Variants in PLA2G15 observed in about 807,000 individuals in gnomAD.
PLA2G15 encodes lysosomal phospholipase A and acyltransferase.
Under a neutral mutation model 40.9 loss-of-function variants are expected in PLA2G15, and 20 were observed. The observed-to-expected ratio is 0.49, with a 90% confidence interval of 0.34 to 0.71. The LOEUF (loss-of-function observed/expected upper bound fraction) is 0.71. Among genes scored for constraint, PLA2G15 ranks in the 30% least tolerant of loss-of-function variants. PLA2G15 has a pLI of 0.01. For missense variants in PLA2G15, 471 were observed against 541.9 expected (o/e 0.87, Z 1.30); for synonymous variants, 223 against 228.2 (o/e 0.98, Z 0.21).
chr16:68,253,714 G>C (rs2042375482), intron 2 of PLA2G15, among the ~76,000 whole-genome samples: 1 of 135,966 alleles, frequency 7.4e-6, no homozygotes, highest in African/African-American at 2.9e-5. Flanking sequence ...TTTTGAGACA[G>C]GGTCTTACTT....
At chr16:68,251,521 A>G (rs1299805168) in intron 2 of PLA2G15, among the ~76,000 whole-genome samples, 1 of 152,014 alleles carries the variant, frequency 6.6e-6, no homozygotes, top group African/African-American at 2.4e-5. Flanking sequence ...CTCTACTAAA[A>G]ATGCAAAAAT....
At chr16:68,258,167 T>C (rs1205657022) in intron 5 of PLA2G15, among the ~76,000 whole-genome samples, 1 of 152,194 alleles carries the variant, frequency 6.6e-6, no homozygotes, top group Non-Finnish European at 1.5e-5. Context: ...CATTCCTGTG[T>C]ATAGGGACTC....
chr16:68,257,533 T>C (rs1486873439), intron 5 of PLA2G15, among the ~76,000 whole-genome samples: 1 of 152,212 alleles, frequency 6.6e-6, no homozygotes, highest in African/African-American at 2.4e-5. Context: ...AGCTTCTTCC[T>C]CTAGAAGGGA....
chr16:68,254,991 G>A lies in PLA2G15; in HGVS notation c.357G>A (p.Gly119=), dbSNP rs546178177. The part of the protein sequence containing the change: ...DGVDVRVPGF[G]KTFSLEFLDP... ...TGGATGTACGTGTCCCTGGCTTTGGGAAGACCTTCTCACTGGAGTTCCTGG... is the reference window on the plus strand; with the variant it reads ...TGGATGTACGTGTCCCTGGCTTTGGAAAGACCTTCTCACTGGAGTTCCTGG... Residue 119 remains glycine, a synonymous_variant, in exon 3 of 6, where the codon GGG becomes GGA. Transcript: ENST00000219345. The A allele has an allele frequency of 4.8e-4, 769 of 1,614,022 alleles. 8 individuals are homozygous for A. In the South Asian group the frequency reaches 8.0e-3, roughly 17 times the overall value.
chr16:68,249,283 C>T lies in PLA2G15; in HGVS notation c.128-7C>T. ...GAGGGCTCACACATGTCCTGTGCCC[C>T]CTGCAGTCCCTGGTGATTTGGGTAA... On this transcript the variant is annotated splice_region_variant and splice_polypyrimidine_tract_variant and intron_variant, in intron 1 of 5. Transcript: ENST00000219345. The T allele has an allele frequency of 1.9e-6, 3 of 1,613,924 alleles. No homozygotes were observed. The highest frequency in any genetic ancestry group is 2.5e-6 in the Non-Finnish European group (3 of 1,179,850).
chr16:68,257,204 T>C (rs952241462), intron 5 of PLA2G15, among the ~76,000 whole-genome samples: 8 of 152,020 alleles, frequency 5.3e-5, no homozygotes, highest in Non-Finnish European at 8.8e-5. Context: ...TTTGTATTTT[T>C]AGTAGAGATG....
Position 68,259,898 on chromosome 16 carries a change from A to G in PLA2G15, c.*241A>G, listed in dbSNP as rs2042432505. On this transcript the variant is annotated 3_prime_UTR_variant, in exon 6 of 6. Coordinates refer to ENST00000219345, the MANE Select transcript of PLA2G15 (RefSeq NM_012320.4). The surrounding 1 kb of genome is among the most constrained non-coding windows in gnomAD (Gnocchi z 6.5). ...ATGGCAAGAATGCTGCTGATGGTGG[A>G]ACTGCTGTGACCTTAGGACTGGCTC... 1.8e-6 allele frequency: 1 copy of G among 568,504 alleles called. No homozygotes were observed. Among genetic ancestry groups the G allele is most frequent in the East Asian group, 3.0e-5 (1 of 33,508 alleles). 35.2% of individuals were successfully genotyped at this position (568,504 alleles called of 1,614,324 possible). A position where few individuals can be genotyped will look rare whatever the true frequency, so the allele number is the denominator to read the frequency against.
intron 2 of PLA2G15, among the ~76,000 whole-genome samples, chr16:68,251,364 A>C (rs2042353649): frequency 6.6e-6 from 1 of 152,106 alleles, no homozygotes; most frequent in Non-Finnish European, 1.5e-5. Flanking sequence ...TAAATGTTTG[A>C]GCTGAATGGA....
intron 5 of PLA2G15, 32 bp downstream of exon 5, chr16:68,256,022 T>C (rs757774691): frequency 7.0e-6 from 10 of 1,434,534 alleles, no homozygotes; most frequent in Admixed American, 1.9e-5. Flanking sequence ...CGTGGGGGGC[T>C]GTTGCCAGGA....
At chr16:68,257,114 C>G (rs2042408123) in intron 5 of PLA2G15, among the ~76,000 whole-genome samples, 1 of 151,498 alleles carries the variant, frequency 6.6e-6, no homozygotes, top group African/African-American at 2.4e-5. Context: ...CTCCTGACCT[C>G]AAGTCAGGAG....
chr16:68,249,954 A>G (rs1314994512), intron 2 of PLA2G15, among the ~76,000 whole-genome samples: 1 of 152,116 alleles, frequency 6.6e-6, no homozygotes, highest in Non-Finnish European at 1.5e-5. Flanking sequence ...TGCTGGGATT[A>G]CAGGCATGAG....
chr16:68,249,586 T>A, intron 2 of PLA2G15, 140 bp downstream of exon 2: 1 of 725,990 alleles, frequency 1.4e-6, no homozygotes. Context: ...TGGTCTGGTC[T>A]GGTTGGCACC....
At chr16:68,256,164 C>T (rs1165566192) in intron 5 of PLA2G15, 174 bp downstream of exon 5, 4 of 566,896 alleles carry the variant, frequency 7.1e-6, no homozygotes, top group Admixed American at 6.6e-5. Flanking sequence ...AATCTAGTTT[C>T]TCAGAGAAAA....
chr16:68,249,206 G>C (rs2042333791), intron 1 of PLA2G15, 84 bp from the exon 2 acceptor site: 4 of 1,103,496 alleles, frequency 3.6e-6, no homozygotes, highest in Non-Finnish European at 5.4e-6. Context: ...TGGCTCTTCA[G>C]GGGGTCTGCT....
rs771111182 is a variant in PLA2G15 at position 68,255,402 on chromosome 16, CTCCCTGACG to C, written c.502+25_502+33del. On this transcript the variant is annotated intron_variant, in intron 4 of 5. Transcript: ENST00000219345. The surrounding 1 kb of genome is among the most constrained non-coding windows in gnomAD (Gnocchi z 5.9). Reference sequence around the variant, plus strand: ...CCAAGTAAGCAGGCACTCTCATTCCCTCCCTGACGTCTCGGGAGGTAGGGGTGAGGTGAT... The same window carrying C: ...CCAAGTAAGCAGGCACTCTCATTCCCTCTCGGGAGGTAGGGGTGAGGTGAT... 1 of 1,548,614 alleles carries C rather than the reference CTCCCTGACG, an allele frequency of 6.5e-7. No individual in the cohort carries two copies. The highest frequency in any genetic ancestry group is 1.1e-5 in the South Asian group (1 of 88,300).
chr16:68,260,971 G>A lies in PLA2G15; in HGVS notation c.*1314G>A, dbSNP rs2042443466. 6.6e-6 allele frequency: 1 copy of A among 152,412 alleles called. No homozygotes were observed. The allele number at this position is 152,412 out of a possible 1,614,324, so 9.4% of individuals were successfully genotyped here. A position where few individuals can be genotyped will look rare whatever the true frequency, so the allele number is the denominator to read the frequency against. On this transcript the variant is annotated 3_prime_UTR_variant, in exon 6 of 6. Coordinates refer to ENST00000219345, the MANE Select transcript of PLA2G15 (RefSeq NM_012320.4). Reference sequence around the variant, plus strand: ...TCTGTTGCATACATGCCTGGCATCTGTCTCCCCTTGTTCCTGAGTGGCCCC... The same window carrying A: ...TCTGTTGCATACATGCCTGGCATCTATCTCCCCTTGTTCCTGAGTGGCCCC...
intron 5 of PLA2G15, among the ~76,000 whole-genome samples, chr16:68,257,806 A>G (rs937062914): frequency 1.3e-5 from 2 of 152,166 alleles, no homozygotes; most frequent in Non-Finnish European, 2.9e-5. Flanking sequence ...CTGAGTTTAG[A>G]CAGGTAGCCC....
chr16:68,247,049 C>T (rs2042315304), intron 1 of PLA2G15, among the ~76,000 whole-genome samples: 1 of 152,118 alleles, frequency 6.6e-6, no homozygotes, highest in South Asian at 2.1e-4. Context: ...TCTGTTTATC[C>T]TTGGTCACAG....
chr16:68,260,798 G>A lies in PLA2G15; in HGVS notation c.*1141G>A, dbSNP rs2042441911. 6.6e-6 allele frequency: 1 copy of A among 152,290 alleles called. No individual in the cohort carries two copies. Among genetic ancestry groups the A allele is most frequent in the African/African-American group, 2.4e-5 (1 of 41,466 alleles). 9.4% of individuals were successfully genotyped at this position (152,290 alleles called of 1,614,324 possible). A position where few individuals can be genotyped will look rare whatever the true frequency, so the allele number is the denominator to read the frequency against. On this transcript the variant is annotated 3_prime_UTR_variant, in exon 6 of 6. Transcript: ENST00000219345. ...CTCCCTGTGGCAGCAGGCATGGAGA[G>A]TCAGGGCTGCCTTCATGGCAGTAGG...
Sources: allele counts gnomAD v4.1 joint callset (sites outside exome capture counted in the v4.1 genomes callset), GRCh38; gene constraint gnomAD v4.1.1; non-coding constraint Gnocchi (gnomAD v3.1); transcripts MANE v1.5; gene names NCBI Gene and HGNC (gene_info 2026-07-23, HGNC 2026-07-21).